SFMBT2: variants seen among roughly 807,000 people sequenced by gnomAD.
SFMBT2 encodes Scm like with four mbt domains 2.
In SFMBT2, 38 loss-of-function variants were observed where a neutral mutation model predicts 110.1. That is an observed-to-expected ratio of 0.35 (90% confidence interval 0.27 to 0.45). The LOEUF (loss-of-function observed/expected upper bound fraction) is 0.45. SFMBT2 is among the 20% of genes least tolerant of loss of function. The pLI is 1.00. For synonymous variants in SFMBT2, 425 were observed against 425.4 expected, an observed-to-expected ratio of 1.00 and a Z score of 0.01; for missense variants, 1,011 against 1,094.9, an observed-to-expected ratio of 0.92 and a Z score of 1.08.
chr10:7,326,973 T>C (rs1843403431), intron 4 of SFMBT2, among the ~76,000 whole-genome samples: 1 of 152,078 alleles, frequency 6.6e-6, no homozygotes, highest in African/African-American at 2.4e-5. Flanking sequence ...TCACCGTAAA[T>C]AAAAGACAAA....
chr10:7,248,895 A>G (rs1378839944), intron 7 of SFMBT2: 1 of 167,950 alleles, frequency 6.0e-6, no homozygotes, highest in Non-Finnish European at 1.2e-5. Context: ...ACACTAAGCA[A>G]AAGTTCACAT....
chr10:7,324,961 C>CTTTTTTTTTTTTTTTTT (rs869253757), intron 4 of SFMBT2, among the ~76,000 whole-genome samples: 1 of 92,140 alleles, frequency 1.1e-5, no homozygotes, highest in African/African-American at 4.6e-5. Flanking sequence ...AGAGGCCCCA[C>CTTTTTTTTTTTTTTTTT]TTTTTTTTTT....
intron 4 of SFMBT2, among the ~76,000 whole-genome samples, chr10:7,358,293 T>C (rs1456210566): frequency 2.1e-5 from 3 of 145,446 alleles, no homozygotes; most frequent in Admixed American, 6.8e-5. Flanking sequence ...CCCTAGAACA[T>C]CTGCATGGCC....
Position 7,398,227 on chromosome 10 carries a change from G to C in SFMBT2, c.-52+12634C>G, listed in dbSNP as rs185266884. On this transcript the variant is annotated intron_variant, in intron 1 of 20. Transcript: ENST00000397167. ...TAACATTCAGTGTCTTCTAATTCAT[G>C]GTTTTCACTGTCACCTCTTAACCTC... Among the ~76,000 whole-genome samples, 86 of 152,218 alleles carry C rather than the reference G, an allele frequency of 5.6e-4. 1 individual carries two copies. The highest frequency in any genetic ancestry group is 2.0e-3 in the African/African-American group (83 of 41,528).
At chr10:7,183,064 C>T (rs1184960643) in intron 16 of SFMBT2, among the ~76,000 whole-genome samples, 2 of 152,056 alleles carry the variant, frequency 1.3e-5, no homozygotes, top group African/African-American at 4.8e-5. Context: ...TATTAAGAGA[C>T]AGCTGAGCTC....
chr10:7,179,760 G>A (rs1024275624), intron 16 of SFMBT2, among the ~76,000 whole-genome samples: 2 of 152,236 alleles, frequency 1.3e-5, no homozygotes, highest in African/African-American at 4.8e-5. Context: ...ACGGATGAAG[G>A]GAGCGGTTAT....
At chr10:7,329,029 T>C (rs746625649) in intron 4 of SFMBT2, among the ~76,000 whole-genome samples, 1 of 152,192 alleles carries the variant, frequency 6.6e-6, no homozygotes, top group Admixed American at 6.5e-5. Context: ...TGAATTCACA[T>C]GAGGCTGCCA....
intron 9 of SFMBT2, among the ~76,000 whole-genome samples, chr10:7,239,830 G>C (rs1192328547): frequency 9.9e-5 from 15 of 152,176 alleles, no homozygotes; most frequent in Admixed American, 9.8e-4. Flanking sequence ...CAGCAGTGAA[G>C]TGTGGATACG....
At chr10:7,244,108 AC>A in intron 8 of SFMBT2, 1 of 639,130 alleles carries the variant, frequency 1.6e-6, no homozygotes, top group Non-Finnish European at 1.9e-6. Context: ...AACTCTTTAC[AC>A]CAGATCACTC....
chr10:7,167,649 A>G (rs1407399642), intron 20 of SFMBT2, among the ~76,000 whole-genome samples: 2 of 152,166 alleles, frequency 1.3e-5, no homozygotes, highest in Non-Finnish European at 1.5e-5. Context: ...ATGACGATGA[A>G]CCAATTAGTA....
In SFMBT2 at chr10:7,170,806, C is replaced by A; in HGVS notation, c.2544+122G>T. 8.3e-7 allele frequency: 1 copy of A among 1,207,960 alleles called. No individual in the cohort carries two copies. Among genetic ancestry groups the A allele is most frequent in the Non-Finnish European group, 1.2e-6 (1 of 854,144 alleles). 74.8% of individuals were successfully genotyped at this position (1,207,960 alleles called of 1,614,324 possible). A position where few individuals can be genotyped will look rare whatever the true frequency, so the allele number is the denominator to read the frequency against. ...TTGGAGGGAGAAGGGTCTCGCACACCTGCCGAGCAGCGCCGAAGAACCCCC... is the reference window on the plus strand; with the variant it reads ...TTGGAGGGAGAAGGGTCTCGCACACATGCCGAGCAGCGCCGAAGAACCCCC... On this transcript the variant is annotated intron_variant, in intron 20 of 20. Coordinates refer to ENST00000397167, the MANE Select transcript of SFMBT2 (RefSeq NM_001387889.1). This position sits in a 1 kb window ranked among gnomAD's most constrained non-coding sequence, Gnocchi z 4.6.
At chr10:7,197,179 C>A (rs1838800954) in intron 15 of SFMBT2, among the ~76,000 whole-genome samples, 1 of 152,134 alleles carries the variant, frequency 6.6e-6, no homozygotes, top group African/African-American at 2.4e-5. Flanking sequence ...CTCATGAAGT[C>A]CTCTGTGCCA....
intron 7 of SFMBT2, among the ~76,000 whole-genome samples, chr10:7,257,914 T>G (rs1195015833): frequency 1.3e-5 from 2 of 152,146 alleles, no homozygotes; most frequent in South Asian, 2.1e-4. Flanking sequence ...AAAAAGGCAG[T>G]GAAATCATCC....
At chr10:7,298,068 C>T (rs11255074) in intron 4 of SFMBT2, among the ~76,000 whole-genome samples, 1,700 of 152,320 alleles carry the variant, frequency 0.011, 47 homozygotes, top group East Asian at 0.092. Flanking sequence ...GGCTGCTCGC[C>T]CAGCACCCAG....
intron 1 of SFMBT2, among the ~76,000 whole-genome samples, chr10:7,393,036 ATTT>A (rs376854239): frequency 1.6e-4 from 3 of 18,442 alleles, no homozygotes; most frequent in African/African-American, 1.2e-3. Flanking sequence ...TATATATATA[ATTT>A]TTTTTTTTTT....
chr10:7,376,973 G>A lies in SFMBT2; in HGVS notation c.100+4826C>T, dbSNP rs141229395. On this transcript the variant is annotated intron_variant, in intron 2 of 20. Transcript: ENST00000397167. ...ATCACGAGGTCAGGAGATCGAGACCGTCCTGGCTAACATGGTGAAACCCCA... is the reference window on the plus strand; with the variant it reads ...ATCACGAGGTCAGGAGATCGAGACCATCCTGGCTAACATGGTGAAACCCCA... Among the ~76,000 whole-genome samples, 794 of 150,438 alleles carry A rather than the reference G, an allele frequency of 5.3e-3. 7 individuals carry two copies. Among genetic ancestry groups the A allele is most frequent in the African/African-American group, 0.018 (719 of 41,080 alleles).
intron 6 of SFMBT2, among the ~76,000 whole-genome samples, 197 bp from the exon 7 acceptor site, chr10:7,277,186 C>A (rs1397714206): frequency 6.6e-6 from 1 of 152,180 alleles, no homozygotes; most frequent in African/African-American, 2.4e-5. Flanking sequence ...TGGGATTCTG[C>A]TGTCAGAAAT....
chr10:7,382,797 AAGACTTTCCCTACG>A (rs1427690692), intron 1 of SFMBT2, among the ~76,000 whole-genome samples: 2 of 152,304 alleles, frequency 1.3e-5, no homozygotes, highest in African/African-American at 4.8e-5. Flanking sequence ...AAATGGAGAC[AAGACTTTCCCTACG>A]ATAGCACTGC....
chr10:7,307,046 T>C (rs1439027889), intron 4 of SFMBT2, among the ~76,000 whole-genome samples: 1 of 152,202 alleles, frequency 6.6e-6, no homozygotes, highest in Non-Finnish European at 1.5e-5. Flanking sequence ...TACAAAAATA[T>C]TCATGCAAAC....
Sources: gnomAD v4.1 joint callset for allele counts (sites outside exome capture counted in the v4.1 genomes callset) on GRCh38, gnomAD v4.1.1 for gene constraint, Gnocchi (gnomAD v3.1) non-coding constraint, MANE v1.5 for transcripts, NCBI Gene and HGNC (gene_info 2026-07-23, HGNC 2026-07-21) for gene names.